MIR2052HG: variants seen among roughly 807,000 people sequenced by gnomAD.
MIR2052HG encodes the protein MIR2052 host gene.
At chr8:74,694,338 G>T (rs1809273866) in intron 2 of MIR2052HG, among the ~76,000 whole-genome samples, 1 of 152,154 alleles carries the variant, frequency 6.6e-6, no homozygotes, top group South Asian at 2.1e-4. Context: ...AGCAACCCAT[G>T]GAACAAAATA....
chr8:74,756,169 A>G (rs112481813), intron 5 of MIR2052HG, among the ~76,000 whole-genome samples: 3 of 152,344 alleles, frequency 2.0e-5, no homozygotes, highest in African/African-American at 7.2e-5. Context: ...CATTACAAAG[A>G]ATACAAGTCA....
intron 2 of MIR2052HG, among the ~76,000 whole-genome samples, chr8:74,676,926 T>A (rs956851566): frequency 9.2e-5 from 14 of 152,004 alleles, no homozygotes; most frequent in African/African-American, 3.4e-4. Context: ...TAAATCTACA[T>A]AATTTCTATG....
chr8:74,711,615 C>A (rs912880967), intron 4 of MIR2052HG, among the ~76,000 whole-genome samples: 3 of 152,164 alleles, frequency 2.0e-5, no homozygotes, highest in African/African-American at 7.2e-5. Flanking sequence ...TTTCCAATAA[C>A]AATACAATGC....
At chr8:74,685,391 C>T (rs771458296) in intron 2 of MIR2052HG, among the ~76,000 whole-genome samples, 5 of 152,044 alleles carry the variant, frequency 3.3e-5, no homozygotes, top group Admixed American at 2.0e-4. Context: ...ATAAAGGGAT[C>T]GCAGCTGGTT....
chr8:74,670,471 TAGTG>T (rs1307012211), intron 2 of MIR2052HG, among the ~76,000 whole-genome samples: 1 of 152,108 alleles, frequency 6.6e-6, no homozygotes, highest in East Asian at 1.9e-4. Context: ...ATTTATAAAA[TAGTG>T]AGAGAAATAC....
chr8:74,752,110 C>A (rs954370648), intron 4 of MIR2052HG, among the ~76,000 whole-genome samples: 3 of 151,546 alleles, frequency 2.0e-5, no homozygotes, highest in African/African-American at 4.8e-5. Flanking sequence ...GTGAAACCCC[C>A]ATTTCTGCAA....
At chr8:74,750,464 C>T (rs935831018) in intron 4 of MIR2052HG, among the ~76,000 whole-genome samples, 5 of 152,104 alleles carry the variant, frequency 3.3e-5, no homozygotes, top group Non-Finnish European at 7.4e-5. Flanking sequence ...GTATATGATA[C>T]TCTGCTAAAA....
intron 2 of MIR2052HG, among the ~76,000 whole-genome samples, chr8:74,678,528 A>T (rs112894565): frequency 7.3e-6 from 1 of 137,808 alleles, no homozygotes; most frequent in Non-Finnish European, 1.5e-5. Context: ...GTGCCATTGC[A>T]CTCCAGCCTG....
intron 4 of MIR2052HG, among the ~76,000 whole-genome samples, chr8:74,738,102 CTGTT>C (rs1279114238): frequency 7.3e-6 from 1 of 136,774 alleles, no homozygotes; most frequent in Admixed American, 7.2e-5. Context: ...ATGTATGTAT[CTGTT>C]ATGTATGTAT....
chr8:74,744,468 G>T (rs1024950433), intron 4 of MIR2052HG, among the ~76,000 whole-genome samples: 1 of 151,658 alleles, frequency 6.6e-6, no homozygotes, highest in Middle Eastern at 3.4e-3. Flanking sequence ...AATGCTATCC[G>T]TCCCCCCTCC....
chr8:74,665,539 C>T (rs147761468), intron 2 of MIR2052HG, among the ~76,000 whole-genome samples: 5 of 152,258 alleles, frequency 3.3e-5, no homozygotes, highest in Admixed American at 1.3e-4. Flanking sequence ...CCATTGCTTC[C>T]CTCCTTGCTA....
chr8:74,691,741 A>G (rs2128739973), intron 2 of MIR2052HG, among the ~76,000 whole-genome samples: 1 of 152,358 alleles, frequency 6.6e-6, no homozygotes, highest in Admixed American at 6.5e-5. Flanking sequence ...TGGTAGTACT[A>G]TAATGTATAA....
At chr8:74,703,153 G>T (rs901001349) in intron 3 of MIR2052HG, among the ~76,000 whole-genome samples, 1 of 152,018 alleles carries the variant, frequency 6.6e-6, no homozygotes, top group South Asian at 2.1e-4. Context: ...GAAGGGCCTT[G>T]CCCTTGGGGA....
intron 2 of MIR2052HG, among the ~76,000 whole-genome samples, chr8:74,672,265 TC>T (rs766769128): frequency 5.3e-5 from 8 of 152,146 alleles, no homozygotes; most frequent in Non-Finnish European, 1.0e-4. Context: ...AGGCCTAGCA[TC>T]CGTTGAATCT....
intron 2 of MIR2052HG, among the ~76,000 whole-genome samples, chr8:74,682,761 T>A (rs1809139626): frequency 6.6e-6 from 1 of 152,284 alleles, no homozygotes; most frequent in South Asian, 2.1e-4. Context: ...CACTTCTTGA[T>A]ATATACACCC....
intron 2 of MIR2052HG, among the ~76,000 whole-genome samples, chr8:74,642,553 A>C (rs1808649833): frequency 1.3e-5 from 2 of 152,174 alleles, no homozygotes; most frequent in South Asian, 4.1e-4. Context: ...AATGATTTTA[A>C]GGTTGCAACA....
intron 4 of MIR2052HG, among the ~76,000 whole-genome samples, chr8:74,739,575 G>C (rs1308167734): frequency 1.3e-5 from 2 of 151,994 alleles, no homozygotes; most frequent in Admixed American, 6.6e-5. Context: ...AGAATGCAAA[G>C]GTCATGTAAA....
At chr8:74,668,852 C>T (rs528773907) in intron 2 of MIR2052HG, among the ~76,000 whole-genome samples, 1 of 152,302 alleles carries the variant, frequency 6.6e-6, no homozygotes, top group South Asian at 2.1e-4. Flanking sequence ...ACTCAGAAGA[C>T]TTGCGGAAGC....
chr8:74,647,526 TTTCA>T (rs148415451), intron 2 of MIR2052HG, among the ~76,000 whole-genome samples: 1,704 of 152,348 alleles, frequency 0.011, 27 homozygotes, highest in African/African-American at 0.038. Flanking sequence ...TTATAAGTTT[TTTCA>T]TTCAGATTTA....
Sources: allele counts gnomAD v4.1 joint callset (sites outside exome capture counted in the v4.1 genomes callset), GRCh38; gene constraint gnomAD v4.1.1; transcripts MANE v1.5; gene names NCBI Gene and HGNC (gene_info 2026-07-23, HGNC 2026-07-21).